The following DOCK4 variants were observed in gnomAD, a reference collection of about 807,000 sequenced individuals.
DOCK4 encodes the protein dedicator of cytokinesis protein 4.
DOCK4 carries 97 observed loss-of-function variants against 268.1 expected under a neutral mutation model. The ratio of observed to expected loss-of-function variants is 0.36; its 90% CI spans 0.31 to 0.43. The LOEUF (loss-of-function observed/expected upper bound fraction) is 0.43, where lower values mean the gene tolerates loss of function less well. DOCK4 is among the 20% of genes least tolerant of loss of function. The pLI is 1.00. For synonymous variants in DOCK4, 954 were observed against 887.2 expected (o/e 1.08, Z -1.34); for missense variants, 2,145 against 2,455.7 (o/e 0.87, Z 2.67).
chr7:112,105,852 C>A (rs1356545039), intron 1 of DOCK4, among the ~76,000 whole-genome samples: 2 of 152,180 alleles, frequency 1.3e-5, no homozygotes, highest in African/African-American at 4.8e-5. Flanking sequence ...CAATGTCTGG[C>A]TAATTTTGAA....
At chr7:112,046,474 A>C (rs1804832494) in intron 1 of DOCK4, among the ~76,000 whole-genome samples, 1 of 152,212 alleles carries the variant, frequency 6.6e-6, no homozygotes, top group African/African-American at 2.4e-5. Context: ...AAGAAAAGAA[A>C]ACCCTTCAAT....
chr7:111,751,484 G>A (rs1451612905), intron 42 of DOCK4, among the ~76,000 whole-genome samples: 5 of 151,252 alleles, frequency 3.3e-5, no homozygotes, highest in African/African-American at 1.2e-4. Context: ...TTGTTCTGTT[G>A]CCCAGGCTGG....
At chr7:111,838,735 C>T (rs1420038612) in intron 25 of DOCK4, among the ~76,000 whole-genome samples, 1 of 151,958 alleles carries the variant, frequency 6.6e-6, no homozygotes, top group African/African-American at 2.4e-5. Context: ...AGAGAGGGAA[C>T]CGAGAGGGGC....
chr7:112,165,555 T>TGC (rs1231160666), intron 1 of DOCK4, among the ~76,000 whole-genome samples: 7 of 140,770 alleles, frequency 5.0e-5, no homozygotes, highest in Non-Finnish European at 7.7e-5. Context: ...TGTGTGTGTG[T>TGC]GTGTGCGTGT....
intron 12 of DOCK4, among the ~76,000 whole-genome samples, chr7:111,928,791 G>A (rs565466332): frequency 7.9e-5 from 12 of 152,048 alleles, no homozygotes; most frequent in Admixed American, 2.6e-4. Flanking sequence ...TTTTCACCAC[G>A]TTGGTCAGGC....
chr7:112,188,624 C>T (rs984593583), intron 1 of DOCK4, among the ~76,000 whole-genome samples: 1 of 152,200 alleles, frequency 6.6e-6, no homozygotes, highest in African/African-American at 2.4e-5. Context: ...TTCATACCCC[C>T]CAACCCAGAA....
At chr7:112,038,051 A>G (rs1803987203) in intron 1 of DOCK4, among the ~76,000 whole-genome samples, 1 of 152,244 alleles carries the variant, frequency 6.6e-6, no homozygotes, top group South Asian at 2.1e-4. Flanking sequence ...ACTTTAAAAT[A>G]GCATGGACAG....
intron 1 of DOCK4, among the ~76,000 whole-genome samples, chr7:112,196,654 A>T (rs1460718303): frequency 6.6e-6 from 1 of 152,190 alleles, no homozygotes; most frequent in Non-Finnish European, 1.5e-5. Context: ...AGAGTGGGGA[A>T]GGGGCAATGG....
intron 41 of DOCK4, among the ~76,000 whole-genome samples, chr7:111,757,052 C>T (rs1263162195): frequency 3.3e-5 from 5 of 151,804 alleles, no homozygotes; most frequent in African/African-American, 7.3e-5. Context: ...GGGGTAGCAG[C>T]GCTGGCAGGA....
intron 1 of DOCK4, among the ~76,000 whole-genome samples, chr7:112,029,113 C>T (rs1803056724): frequency 6.6e-6 from 1 of 152,226 alleles, no homozygotes. Context: ...TGGCACCCAG[C>T]TCTGAAATGT....
rs1797800751 is a variant in DOCK4 at position 111,767,014 on chromosome 7, T to G, written c.3915+18A>C. Reference sequence around the variant, plus strand: ...AAGGGAGGCTATGGCCTGATCAGGATGCATCCAGGCACCTTACCCGCATCT... The same window carrying G: ...AAGGGAGGCTATGGCCTGATCAGGAGGCATCCAGGCACCTTACCCGCATCT... On this transcript the variant is annotated intron_variant, in intron 38 of 52. Coordinates refer to ENST00000428084, the MANE Select transcript of DOCK4 (RefSeq NM_001363540.2). The G allele has an allele frequency of 6.3e-7, 1 of 1,596,182 alleles. No homozygotes were observed. Among genetic ancestry groups the G allele is most frequent in the Non-Finnish European group, 8.6e-7 (1 of 1,163,934 alleles).
intron 49 of DOCK4, among the ~76,000 whole-genome samples, chr7:111,737,291 T>C (rs1007890972): frequency 1.3e-5 from 2 of 152,282 alleles, no homozygotes; most frequent in African/African-American, 4.8e-5. Context: ...TGAAGTTCTT[T>C]TTTTTTCTTT....
rs528731687 is a variant in DOCK4 at position 112,058,657 on chromosome 7, T to A, written c.38-54526A>T. On this transcript the variant is annotated intron_variant, in intron 1 of 52. Transcript: ENST00000428084. ...ATGAAGCAAGAGCCTTGATTGTGGGTTTGTTTGCTGTCTTATAAGGGTCAT... is the reference window on the plus strand; with the variant it reads ...ATGAAGCAAGAGCCTTGATTGTGGGATTGTTTGCTGTCTTATAAGGGTCAT... Among the ~76,000 whole-genome samples, 104 of 152,240 alleles carry A rather than the reference T, an allele frequency of 6.8e-4. 1 individual carries two copies. In the Middle Eastern group the frequency reaches 0.01, roughly 15 times the overall value.
intron 36 of DOCK4, among the ~76,000 whole-genome samples, chr7:111,776,748 A>G (rs1007382650): frequency 6.6e-6 from 1 of 152,184 alleles, no homozygotes; most frequent in African/African-American, 2.4e-5. Context: ...ATAATAATCA[A>G]ACCACTGAAA....
chr7:111,754,616 G>A (rs1188748281), intron 42 of DOCK4, among the ~76,000 whole-genome samples: 3 of 152,244 alleles, frequency 2.0e-5, no homozygotes, highest in Non-Finnish European at 4.4e-5. Flanking sequence ...GGCTATAATG[G>A]ATGTAGCAAG....
chr7:112,033,468 C>T (rs1803463466), intron 1 of DOCK4, among the ~76,000 whole-genome samples: 1 of 152,212 alleles, frequency 6.6e-6, no homozygotes, highest in South Asian at 2.1e-4. Flanking sequence ...CTAATGAATT[C>T]AGCAGTACTT....
At chr7:111,808,666 C>G in intron 30 of DOCK4, 155 bp downstream of exon 30, 2 of 693,998 alleles carry the variant, frequency 2.9e-6, no homozygotes, top group Non-Finnish European at 4.6e-6. Context: ...TAACCTCATT[C>G]AATGCCAAAG....
chr7:111,751,881 T>G (rs1442538714), intron 42 of DOCK4, among the ~76,000 whole-genome samples: 1 of 151,820 alleles, frequency 6.6e-6, no homozygotes, highest in East Asian at 1.9e-4. Flanking sequence ...ACTTCTGGAG[T>G]AGGAGGTTGC....
chr7:111,919,100 G>A (rs955053352), intron 12 of DOCK4, among the ~76,000 whole-genome samples: 12 of 151,448 alleles, frequency 7.9e-5, no homozygotes, highest in African/African-American at 2.2e-4. Flanking sequence ...AACCAGCAGC[G>A]ACTTTAAAAA....
Sources: allele counts gnomAD v4.1 joint callset (sites outside exome capture counted in the v4.1 genomes callset), GRCh38; gene constraint gnomAD v4.1.1; transcripts MANE v1.5; gene names NCBI Gene and HGNC (gene_info 2026-07-23, HGNC 2026-07-21).